The following SYNPR variants were observed in gnomAD, a reference collection of about 807,000 sequenced individuals.
The protein encoded by SYNPR is synaptoporin.
In SYNPR, 23 loss-of-function variants were observed where a neutral mutation model predicts 32.9. That is an observed-to-expected ratio of 0.70 (90% confidence interval 0.50 to 0.99). The LOEUF is 0.99. Ranked by LOEUF, SYNPR falls within the 50% of genes least tolerant of loss-of-function variation. The pLI is 0.00. For missense variants in SYNPR, 318 were observed against 349.3 expected (o/e 0.91, Z 0.71); for synonymous variants, 146 against 135.9 (o/e 1.07, Z -0.52).
intron 2 of SYNPR, among the ~76,000 whole-genome samples, chr3:63,412,803 T>A (rs2088484390): frequency 6.6e-6 from 1 of 152,178 alleles, no homozygotes; most frequent in African/African-American, 2.4e-5. Flanking sequence ...ATAAACCTTT[T>A]GAACTTGAAC....
intron 2 of SYNPR, among the ~76,000 whole-genome samples, chr3:63,458,960 C>A (rs1700533132): frequency 6.6e-6 from 1 of 152,064 alleles, no homozygotes; most frequent in Admixed American, 6.6e-5. Flanking sequence ...CCAAAACCAC[C>A]AAATGCTATA....
intron 2 of SYNPR, among the ~76,000 whole-genome samples, chr3:63,455,788 G>GTGTGTGTGTGT (rs1559504358): frequency 5.0e-4 from 37 of 74,654 alleles, no homozygotes; most frequent in African/African-American, 6.6e-4. Context: ...TGTGTGTGTG[G>GTGTGTGTGTGT]ATCTTCAGAT....
At chr3:63,390,494 A>G (rs2088118120) in intron 2 of SYNPR, among the ~76,000 whole-genome samples, 1 of 152,214 alleles carries the variant, frequency 6.6e-6, no homozygotes, top group South Asian at 2.1e-4. Context: ...CTTCCTGAGG[A>G]CACACATCTC....
At chr3:63,347,875 TTGTGTGTGTGTGTGTGTGTGTGTGTG>T (rs10597535) in intron 2 of SYNPR, among the ~76,000 whole-genome samples, 4 of 144,386 alleles carry the variant, frequency 2.8e-5, no homozygotes, top group African/African-American at 7.6e-5. Context: ...TAGTATTCCA[TTGTGTGTGTGTGTGTGTGTGTGTGTG>T]TGTGTGTGTG....
chr3:63,566,543 C>T (rs1702791874), intron 4 of SYNPR, among the ~76,000 whole-genome samples: 1 of 152,098 alleles, frequency 6.6e-6, no homozygotes, highest in Non-Finnish European at 1.5e-5. Context: ...AAACCTAGGT[C>T]CTAGCCTCAA....
At chr3:63,527,126 A>G (rs1409273666) in intron 3 of SYNPR, among the ~76,000 whole-genome samples, 1 of 152,192 alleles carries the variant, frequency 6.6e-6, no homozygotes, top group Admixed American at 6.5e-5. Context: ...GGCAATCTAG[A>G]CTGAGGGACA....
chr3:63,487,217 T>C (rs1701172591), intron 3 of SYNPR, among the ~76,000 whole-genome samples: 1 of 152,204 alleles, frequency 6.6e-6, no homozygotes, highest in African/African-American at 2.4e-5. Flanking sequence ...CGGTTAAAGC[T>C]GAAGCAATGT....
intron 3 of SYNPR, among the ~76,000 whole-genome samples, chr3:63,531,779 T>C (rs1702117070): frequency 6.6e-6 from 1 of 152,164 alleles, no homozygotes; most frequent in Admixed American, 6.5e-5. Flanking sequence ...CTTTTCCATA[T>C]TTACTTCCTC....
chr3:63,353,975 A>G (rs2107022617), intron 2 of SYNPR, among the ~76,000 whole-genome samples: 1 of 152,308 alleles, frequency 6.6e-6, no homozygotes, highest in South Asian at 2.1e-4. Flanking sequence ...AGGGAGAAAC[A>G]CAGATTCTGA....
At chr3:63,386,005 A>G (rs2088038958) in intron 2 of SYNPR, among the ~76,000 whole-genome samples, 1 of 152,244 alleles carries the variant, frequency 6.6e-6, no homozygotes, top group Non-Finnish European at 1.5e-5. Flanking sequence ...GTAATTCTGA[A>G]TAGCTAGATG....
chr3:63,573,344 G>T (rs1702921228), intron 4 of SYNPR, among the ~76,000 whole-genome samples: 1 of 152,112 alleles, frequency 6.6e-6, no homozygotes, highest in Admixed American at 6.6e-5. Flanking sequence ...CATTCTACAT[G>T]GGAGCCAACC....
chr3:63,301,470 G>T (rs2086856941), intron 2 of SYNPR, among the ~76,000 whole-genome samples: 1 of 151,976 alleles, frequency 6.6e-6, no homozygotes, highest in South Asian at 2.1e-4. Flanking sequence ...AAGTTGGATT[G>T]GTATGGAAGA....
rs180830908 is a variant in SYNPR at position 63,336,899 on chromosome 3, C to A, written c.84+58157C>A. ...TATATAAAAAATTATTAATACTCAA[C>A]AATTAAAAACTGTATAGACACCTAG... On this transcript the variant is annotated intron_variant, in intron 2 of 5. Coordinates refer to ENST00000478300, the MANE Select transcript of SYNPR (RefSeq NM_001130003.2). 6.4e-4 allele frequency among the ~76,000 whole-genome samples: 97 copies of A among 152,088 alleles called. 1 individual carries two copies. The highest frequency in any genetic ancestry group is 2.3e-3 in the African/African-American group (94 of 41,494).
At chr3:63,367,695 C>A (rs140077367) in intron 2 of SYNPR, among the ~76,000 whole-genome samples, 7 of 152,190 alleles carry the variant, frequency 4.6e-5, no homozygotes, top group African/African-American at 1.7e-4. Context: ...GAGCTAGTTA[C>A]CAATTTTAAT....
At chr3:63,267,974 T>C (rs189332629) in intron 3 of SYNPR, among the ~76,000 whole-genome samples, 1 of 152,330 alleles carries the variant, frequency 6.6e-6, no homozygotes, top group Admixed American at 6.5e-5. Context: ...TAGAAATATT[T>C]TAAAACAGTT....
At chr3:63,294,395 AT>A (rs1479787056) in intron 2 of SYNPR, among the ~76,000 whole-genome samples, 2 of 152,166 alleles carry the variant, frequency 1.3e-5, no homozygotes, top group Non-Finnish European at 2.9e-5. Context: ...TTGTACTCTA[AT>A]TTTGCAATGA....
intron 2 of SYNPR, among the ~76,000 whole-genome samples, chr3:63,292,218 A>C (rs2086747212): frequency 6.6e-6 from 1 of 152,342 alleles, no homozygotes; most frequent in East Asian, 1.9e-4. Context: ...TGCTTTAAAA[A>C]AATTTTTAAT....
chr3:63,498,890 G>C (rs1170522181), intron 3 of SYNPR, among the ~76,000 whole-genome samples: 1 of 150,444 alleles, frequency 6.6e-6, no homozygotes, highest in Non-Finnish European at 1.5e-5. Flanking sequence ...GAAGCAGGAG[G>C]ATCGCTTGTG....
At chr3:63,264,872 C>G (rs1029443058) in intron 2 of SYNPR, among the ~76,000 whole-genome samples, 2 of 151,708 alleles carry the variant, frequency 1.3e-5, no homozygotes, top group African/African-American at 2.4e-5. Flanking sequence ...TCAGATCTCC[C>G]GAGACTCACT....
Sources: gnomAD v4.1 joint callset for allele counts (sites outside exome capture counted in the v4.1 genomes callset) on GRCh38, gnomAD v4.1.1 for gene constraint, MANE v1.5 for transcripts, NCBI Gene and HGNC (gene_info 2026-07-23, HGNC 2026-07-21) for gene names.